PTPRD: variants seen among roughly 807,000 people sequenced by gnomAD.
PTPRD encodes protein tyrosine phosphatase receptor type D.
A neutral mutation model predicts 214.5 loss-of-function variants in PTPRD; 34 were observed. The observed-to-expected ratio is 0.16, with a 90% CI of 0.12 to 0.21. The LOEUF (loss-of-function observed/expected upper bound fraction) is 0.21, where lower values mean the gene tolerates loss of function less well. Ranked by LOEUF, PTPRD falls within the 10% of genes least tolerant of loss-of-function variation. The pLI is 1.00. For synonymous variants in PTPRD, 1,128 were observed against 845.7 expected (o/e 1.33, Z -5.79); for missense variants, 2,545 against 2,398.7 (o/e 1.06, Z -1.27).
At chr9:10,367,714 A>G (rs1193102730) in intron 2 of PTPRD, among the ~76,000 whole-genome samples, 1 of 152,108 alleles carries the variant, frequency 6.6e-6, no homozygotes, top group East Asian at 1.9e-4. Context: ...TACTCCTTTG[A>G]TTCTTCTCTC....
At chr9:9,736,107 T>C (rs905538905) in intron 6 of PTPRD, among the ~76,000 whole-genome samples, 1 of 152,148 alleles carries the variant, frequency 6.6e-6, no homozygotes, top group African/African-American at 2.4e-5. Context: ...TCAAGTCATT[T>C]GACTGTGTGT....
intron 10 of PTPRD, among the ~76,000 whole-genome samples, chr9:9,176,923 TAGATGGTTA>T (rs1160932291): frequency 6.6e-6 from 1 of 152,154 alleles, no homozygotes; most frequent in Non-Finnish European, 1.5e-5. Context: ...AATTCAGTTC[TAGATGGTTA>T]GATGGTCAAA....
chr9:10,442,011 A>G (rs1186047090), intron 2 of PTPRD, among the ~76,000 whole-genome samples: 2 of 151,638 alleles, frequency 1.3e-5, no homozygotes, highest in African/African-American at 2.4e-5. Flanking sequence ...CTTATTTTTT[A>G]TTTTAGTATA....
intron 11 of PTPRD, among the ~76,000 whole-genome samples, chr9:8,903,655 A>G (rs984493772): frequency 2.6e-5 from 4 of 152,206 alleles, no homozygotes; most frequent in African/African-American, 4.8e-5. Context: ...AAATATTTCA[A>G]TGCTACATAT....
chr9:9,853,679 G>T (rs1444853108), intron 5 of PTPRD, among the ~76,000 whole-genome samples: 1 of 152,024 alleles, frequency 6.6e-6, no homozygotes, highest in African/African-American at 2.4e-5. Flanking sequence ...CTCCTGAGTA[G>T]TTGGGACTAC....
intron 11 of PTPRD, among the ~76,000 whole-genome samples, chr9:8,882,884 C>CAAA: frequency 9.9e-6 from 1 of 101,030 alleles, no homozygotes; most frequent in African/African-American, 3.8e-5. Context: ...GGCTCTGTCT[C>CAAA]AAAAAAAAAA....
At chr9:8,769,677 T>C (rs539409739) in intron 11 of PTPRD, among the ~76,000 whole-genome samples, 15 of 152,262 alleles carry the variant, frequency 9.9e-5, no homozygotes, top group South Asian at 6.2e-4. Flanking sequence ...TGTGAGAATA[T>C]TGATGTCAGA....
rs569418469 is a variant in PTPRD at position 10,526,920 on chromosome 9, A to G, written c.-600+85478T>C. Among the ~76,000 whole-genome samples, 3 of 152,278 alleles carry G rather than the reference A, an allele frequency of 2.0e-5. No homozygotes were observed. In the South Asian group the frequency reaches 6.2e-4, roughly 32 times the overall value. On this transcript the variant is annotated intron_variant, in intron 2 of 45. Transcript: ENST00000381196. The stretch of plus-strand genomic sequence containing the variant: ...TATCTATGTGTTCATCCTCATCTGC[A>G]GATGGCAACAAATTGAGGAACATGG...
At chr9:9,288,150 C>G (rs1240473954) in intron 9 of PTPRD, among the ~76,000 whole-genome samples, 1 of 151,712 alleles carries the variant, frequency 6.6e-6, no homozygotes, top group Non-Finnish European at 1.5e-5. Flanking sequence ...TTATTCTGTC[C>G]TATAAAAGGA....
chr9:8,928,342 C>T (rs988802322), intron 11 of PTPRD, among the ~76,000 whole-genome samples: 1 of 152,116 alleles, frequency 6.6e-6, no homozygotes, highest in African/African-American at 2.4e-5. Flanking sequence ...TTAGGTCTAA[C>T]ATTTAAGTCT....
intron 8 of PTPRD, among the ~76,000 whole-genome samples, chr9:9,569,852 G>C (rs1157528052): frequency 6.6e-6 from 1 of 151,544 alleles, no homozygotes; most frequent in Non-Finnish European, 1.5e-5. Flanking sequence ...TTATGTGTGA[G>C]CTAGCCAGAT....
At chr9:9,316,330 G>C (rs969884102) in intron 9 of PTPRD, among the ~76,000 whole-genome samples, 4 of 151,764 alleles carry the variant, frequency 2.6e-5, no homozygotes, top group African/African-American at 9.7e-5. Context: ...AATATGAACT[G>C]ATTGAATTGC....
intron 11 of PTPRD, among the ~76,000 whole-genome samples, chr9:8,854,708 C>T (rs1353214487): frequency 6.6e-6 from 1 of 152,174 alleles, no homozygotes; most frequent in Non-Finnish European, 1.5e-5. Context: ...CCCTCAAGTG[C>T]TAACTAAACT....
At chr9:10,285,315 G>T (rs867920774) in intron 3 of PTPRD, among the ~76,000 whole-genome samples, 1 of 152,076 alleles carries the variant, frequency 6.6e-6, no homozygotes, top group African/African-American at 2.4e-5. Context: ...CAAAACGACT[G>T]CATTTTTTAT....
rs1299537876 is a variant in PTPRD at position 8,526,649 on chromosome 9, G to A, written c.551-5C>T. 3.8e-6 allele frequency: 6 copies of A among 1,572,838 alleles called. No individual in the cohort carries two copies. In the Admixed American group the frequency reaches 5.3e-5, roughly 14 times the overall value. On this transcript the variant is annotated splice_polypyrimidine_tract_variant and splice_region_variant and intron_variant, in intron 16 of 45. Coordinates refer to ENST00000381196, the MANE Select transcript of PTPRD (RefSeq NM_002839.4). ...TACCTCTTATTGGTGTACCACCTGGGTGGATAATATGAATGCAAATAAGAT... is the reference window on the plus strand; with the variant it reads ...TACCTCTTATTGGTGTACCACCTGGATGGATAATATGAATGCAAATAAGAT...
At chr9:10,081,170 TC>T (rs1487460953) in intron 3 of PTPRD, among the ~76,000 whole-genome samples, 6 of 152,068 alleles carry the variant, frequency 3.9e-5, no homozygotes, top group African/African-American at 1.4e-4. Context: ...AAATATTAAT[TC>T]TTAAATTCAC....
intron 4 of PTPRD, among the ~76,000 whole-genome samples, chr9:9,968,599 G>C (rs1291359997): frequency 2.6e-5 from 4 of 152,266 alleles, no homozygotes; most frequent in Admixed American, 2.6e-4. Flanking sequence ...GCCTAATGTG[G>C]TGTGTTTTGA....
chr9:9,147,162 A>G (rs1191624015), intron 10 of PTPRD, among the ~76,000 whole-genome samples: 1 of 152,028 alleles, frequency 6.6e-6, no homozygotes, highest in Non-Finnish European at 1.5e-5. Context: ...CTGGTTTACC[A>G]ATCTGAGAAG....
At chr9:8,795,276 T>C (rs1265735484) in intron 11 of PTPRD, among the ~76,000 whole-genome samples, 1 of 152,112 alleles carries the variant, frequency 6.6e-6, no homozygotes, top group East Asian at 1.9e-4. Context: ...ACAATTCTCC[T>C]GCCTCAGCCT....
Sources: allele counts gnomAD v4.1 joint callset (sites outside exome capture counted in the v4.1 genomes callset), GRCh38; gene constraint gnomAD v4.1.1; transcripts MANE v1.5; gene names NCBI Gene and HGNC (gene_info 2026-07-23, HGNC 2026-07-21).